Variants in CNTN3 observed in about 807,000 individuals in gnomAD.
CNTN3 encodes the protein contactin-3.
CNTN3 carries 60 observed loss-of-function variants against 119.1 expected under a neutral mutation model. The ratio of observed to expected loss-of-function variants is 0.50; its 90% CI spans 0.41 to 0.62. The LOEUF (loss-of-function observed/expected upper bound fraction) is 0.62. Among genes scored for constraint, CNTN3 ranks in the 20% least tolerant of loss-of-function variants. CNTN3 has a pLI of 0.00. For missense variants in CNTN3, 1,101 were observed against 1,242.4 expected, an observed-to-expected ratio of 0.89 and a Z score of 1.71; for synonymous variants, 450 against 438.7, an observed-to-expected ratio of 1.03 and a Z score of -0.32.
intron 5 of CNTN3, among the ~76,000 whole-genome samples, chr3:74,372,446 C>A (rs369968056): frequency 3.9e-5 from 6 of 152,064 alleles, no homozygotes; most frequent in African/African-American, 1.4e-4. Flanking sequence ...TCTGGAGGCC[C>A]AGGTTGTTCA....
chr3:74,347,802 C>T (rs1375432263), intron 11 of CNTN3, among the ~76,000 whole-genome samples: 1 of 152,150 alleles, frequency 6.6e-6, no homozygotes, highest in Non-Finnish European at 1.5e-5. Context: ...CCTTGCCACT[C>T]TCCCATTAAA....
At chr3:74,425,993 T>TA (rs1052483437) in intron 4 of CNTN3, among the ~76,000 whole-genome samples, 16 of 152,202 alleles carry the variant, frequency 1.1e-4, no homozygotes, top group Admixed American at 4.6e-4. Context: ...TTAAAAAAGT[T>TA]AAAAAAATAG....
chr3:74,554,798 T>C lies in CNTN3; in HGVS notation c.-80-33606A>G, dbSNP rs375800638. Among the ~76,000 whole-genome samples, 6 of 152,344 alleles carry C rather than the reference T, an allele frequency of 3.9e-5. No homozygotes were observed. In the East Asian group the frequency reaches 9.6e-4, roughly 24 times the overall value. On this transcript the variant is annotated intron_variant, in intron 1 of 22. Coordinates refer to ENST00000263665, the MANE Select transcript of CNTN3 (RefSeq NM_020872.3). ...ACTTTGCTGAAGTTGCTTGTCAGCT[T>C]AAGAAGATTTTGGGCTGAGACGATG...
intron 13 of CNTN3, among the ~76,000 whole-genome samples, chr3:74,320,595 C>T (rs545689234): frequency 7.0e-4 from 107 of 152,112 alleles, no homozygotes; most frequent in African/African-American, 2.6e-3. Flanking sequence ...GTGCAGCACA[C>T]CAACATGGCA....
At chr3:74,402,586 C>T (rs984186530) in intron 5 of CNTN3, among the ~76,000 whole-genome samples, 1 of 152,156 alleles carries the variant, frequency 6.6e-6, no homozygotes, top group Non-Finnish European at 1.5e-5. Context: ...CTTCTATATA[C>T]TAAGCATTAT....
chr3:74,423,296 A>T (rs1701645585), intron 5 of CNTN3, among the ~76,000 whole-genome samples: 1 of 152,224 alleles, frequency 6.6e-6, no homozygotes, highest in South Asian at 2.1e-4. Context: ...GATGTGGTCC[A>T]ACAAAAACAT....
chr3:74,599,458 T>C (rs1704872125), intron 1 of CNTN3, among the ~76,000 whole-genome samples: 1 of 152,054 alleles, frequency 6.6e-6, no homozygotes. Context: ...TATTTTTCCA[T>C]GAACCAGGTG....
chr3:74,453,870 G>A (rs1228909066), intron 4 of CNTN3, among the ~76,000 whole-genome samples: 1 of 152,094 alleles, frequency 6.6e-6, no homozygotes, highest in South Asian at 2.1e-4. Context: ...ATTGCACTGT[G>A]GTCTGAGAGA....
intron 4 of CNTN3, among the ~76,000 whole-genome samples, chr3:74,461,206 CA>C (rs1702361372): frequency 6.6e-6 from 1 of 151,890 alleles, no homozygotes; most frequent in South Asian, 2.1e-4. Flanking sequence ...CCTATTTGAA[CA>C]ATTTGGTCAT....
intron 4 of CNTN3, among the ~76,000 whole-genome samples, chr3:74,429,824 A>G (rs1244720377): frequency 6.6e-6 from 1 of 152,218 alleles, no homozygotes; most frequent in Non-Finnish European, 1.5e-5. Flanking sequence ...AAATGGGAAG[A>G]AGACACAAAC....
intron 5 of CNTN3, among the ~76,000 whole-genome samples, chr3:74,385,379 G>T (rs182698364): frequency 4.8e-4 from 73 of 152,232 alleles, no homozygotes; most frequent in Admixed American, 9.2e-4. Context: ...TTAACAAGGA[G>T]AAACAACAAA....
At chr3:74,344,575 G>T (rs570497118) in intron 11 of CNTN3, among the ~76,000 whole-genome samples, 6 of 150,730 alleles carry the variant, frequency 4.0e-5, no homozygotes, top group African/African-American at 1.5e-4. Flanking sequence ...CTCCTGCCTC[G>T]GCCTCCCGAG....
chr3:74,547,113 T>C (rs1325112257), intron 1 of CNTN3, among the ~76,000 whole-genome samples: 2 of 152,208 alleles, frequency 1.3e-5, no homozygotes, highest in Non-Finnish European at 2.9e-5. Flanking sequence ...ATTAATTTAA[T>C]TTTATTTACA....
chr3:74,274,509 G>A (rs980989305), intron 20 of CNTN3, among the ~76,000 whole-genome samples: 5 of 152,066 alleles, frequency 3.3e-5, no homozygotes, highest in Non-Finnish European at 7.4e-5. Context: ...GTACAAGCCC[G>A]AGCCTGGTAG....
intron 18 of CNTN3, among the ~76,000 whole-genome samples, chr3:74,297,280 A>G (rs1702358428): frequency 6.6e-6 from 1 of 152,074 alleles, no homozygotes; most frequent in Non-Finnish European, 1.5e-5. Flanking sequence ...GAACGTAGGA[A>G]GTGTTCCTCA....
intron 11 of CNTN3, among the ~76,000 whole-genome samples, chr3:74,359,298 T>C (rs1219387845): frequency 6.6e-6 from 1 of 152,188 alleles, no homozygotes; most frequent in Non-Finnish European, 1.5e-5. Flanking sequence ...ATCTCATTCT[T>C]ATAGATCAGT....
At chr3:74,531,096 C>T (rs918948346) in intron 1 of CNTN3, among the ~76,000 whole-genome samples, 8 of 151,906 alleles carry the variant, frequency 5.3e-5, no homozygotes, top group African/African-American at 1.9e-4. Flanking sequence ...GAAAAGAAGC[C>T]AAAACATTAT....
At chr3:74,466,038 T>C (rs1028955433) in intron 4 of CNTN3, among the ~76,000 whole-genome samples, 3 of 152,144 alleles carry the variant, frequency 2.0e-5, no homozygotes, top group African/African-American at 4.8e-5. Flanking sequence ...AAATTCCCTG[T>C]AGAGCTTAAG....
chr3:74,302,655 G>C (rs1182516038), intron 14 of CNTN3, 35 bp downstream of exon 14: 1 of 1,251,026 alleles, frequency 8.0e-7, no homozygotes, highest in Admixed American at 1.7e-5. Flanking sequence ...GTTAAGATGT[G>C]AAGTGACAAA....
Sources: gnomAD v4.1 joint callset for allele counts (sites outside exome capture counted in the v4.1 genomes callset) on GRCh38, gnomAD v4.1.1 for gene constraint, MANE v1.5 for transcripts, NCBI Gene and HGNC (gene_info 2026-07-23, HGNC 2026-07-21) for gene names.